The following ATF7IP variants were observed in gnomAD, a reference collection of about 807,000 sequenced individuals.
ATF7IP encodes the protein activating transcription factor 7 interacting protein, also known as activating transcription factor 7-interacting protein 1.
In ATF7IP, 23 loss-of-function variants were observed where a neutral mutation model predicts 106.4. The observed-to-expected ratio is 0.22, with a 90% CI of 0.16 to 0.31. The LOEUF (loss-of-function observed/expected upper bound fraction) is 0.31. Among genes scored for constraint, ATF7IP ranks in the 10% least tolerant of loss-of-function variants. The pLI, the probability that ATF7IP is intolerant of heterozygous loss-of-function variation, is 1.00. For missense variants in ATF7IP, 1,334 were observed against 1,524.3 expected (o/e 0.88, Z 2.08); for synonymous variants, 542 against 539.0 (o/e 1.01, Z -0.08).
At chr12:14,427,112 T>A (rs976303570) in intron 2 of ATF7IP, among the ~76,000 whole-genome samples, 1 of 150,710 alleles carries the variant, frequency 6.6e-6, no homozygotes, top group African/African-American at 2.5e-5. Flanking sequence ...ATAACAGAGG[T>A]TTTTTTTGTT....
Position 14,478,489 on chromosome 12 carries a change from A to G in ATF7IP, c.3097+17A>G, listed in dbSNP as rs763792428. 1 of 1,613,542 alleles carries G rather than the reference A, an allele frequency of 6.2e-7. No homozygotes were observed. The highest frequency in any genetic ancestry group is 1.7e-5 in the Admixed American group (1 of 59,990). On this transcript the variant is annotated intron_variant, in intron 12 of 14. Transcript: ENST00000261168. ...TACCTACAGGTAAATTTGTTGAATC[A>G]TTGAGTAGAAGCTTTGGTTTTGCCT...
At chr12:14,458,462 C>T (rs1943517992) in intron 8 of ATF7IP, among the ~76,000 whole-genome samples, 1 of 152,138 alleles carries the variant, frequency 6.6e-6, no homozygotes, top group Non-Finnish European at 1.5e-5. Context: ...GTAGTAGTTT[C>T]TTTAAGGTTG....
chr12:14,440,539 C>A (rs1360978593), intron 5 of ATF7IP, among the ~76,000 whole-genome samples: 3 of 152,118 alleles, frequency 2.0e-5, no homozygotes, highest in African/African-American at 7.2e-5. Flanking sequence ...CGTATTGTTT[C>A]CCCTGTTCAC....
intron 11 of ATF7IP, among the ~76,000 whole-genome samples, chr12:14,477,400 C>G (rs1944295123): frequency 6.6e-6 from 1 of 152,132 alleles, no homozygotes; most frequent in African/African-American, 2.4e-5. Context: ...TCACTTATCT[C>G]TATTGCTTTC....
At position 14,398,388 on chromosome 12, in the gene ATF7IP, T is replaced by TC. The variant is rs1491495607; in HGVS notation, c.-7-25521_-7-25520insC. 4.8e-5 allele frequency among the ~76,000 whole-genome samples: 3 copies of TC among 63,008 alleles called. No individual in the cohort carries two copies. The East Asian group carries it at 1.3e-3, about 28-fold the overall frequency. The allele number at this position is 63,008 out of a possible 152,430, so 41.3% of individuals were successfully genotyped here. On this transcript the variant is annotated intron_variant, in intron 1 of 14. Coordinates refer to ENST00000261168, the MANE Select transcript of ATF7IP (RefSeq NM_018179.5). ...ACTGATTTCCTCCTACATCTAAAAG[T>TC]TTTTTTTTTTATTTATAAGGAGATA... is the stretch of plus-strand genomic sequence containing the variant.
At chr12:14,482,976 TGAAG>T (rs2136820277) in intron 13 of ATF7IP, among the ~76,000 whole-genome samples, 1 of 152,330 alleles carries the variant, frequency 6.6e-6, no homozygotes, top group Non-Finnish European at 1.5e-5. Flanking sequence ...TGTTACGTGA[TGAAG>T]GAAAAGGAAA....
intron 1 of ATF7IP, among the ~76,000 whole-genome samples, chr12:14,374,633 A>C (rs1938661385): frequency 6.6e-6 from 1 of 152,164 alleles, no homozygotes; most frequent in Non-Finnish European, 1.5e-5. Context: ...GTTGTATTTT[A>C]AGGAATGAAT....
intron 9 of ATF7IP, among the ~76,000 whole-genome samples, chr12:14,464,007 C>A (rs999605717): frequency 6.6e-6 from 1 of 152,134 alleles, no homozygotes; most frequent in Non-Finnish European, 1.5e-5. Context: ...ACATCTTGTT[C>A]TAAGACTATA....
chr12:14,428,539 G>A (rs374885731), intron 2 of ATF7IP, among the ~76,000 whole-genome samples: 2 of 152,106 alleles, frequency 1.3e-5, no homozygotes, highest in Non-Finnish European at 2.9e-5. Flanking sequence ...TGTCATTTAT[G>A]TTGCTGTACT....
intron 2 of ATF7IP, among the ~76,000 whole-genome samples, chr12:14,426,690 G>A (rs985061565): frequency 6.6e-6 from 1 of 151,256 alleles, no homozygotes; most frequent in South Asian, 2.1e-4. Context: ...GCCAGGCGTG[G>A]TGGCACTTGT....
At chr12:14,455,021 A>G (rs1173001623) in intron 6 of ATF7IP, among the ~76,000 whole-genome samples, 1 of 152,116 alleles carries the variant, frequency 6.6e-6, no homozygotes. Flanking sequence ...TCTACTAAAA[A>G]TACAAAAATT....
intron 1 of ATF7IP, among the ~76,000 whole-genome samples, chr12:14,394,270 T>C (rs1446439417): frequency 1.3e-5 from 2 of 152,208 alleles, no homozygotes; most frequent in Non-Finnish European, 2.9e-5. Context: ...TTTTAATGAT[T>C]GCCAAACAGC....
chr12:14,400,138 C>T (rs767875907), intron 1 of ATF7IP, among the ~76,000 whole-genome samples: 5 of 152,122 alleles, frequency 3.3e-5, no homozygotes, highest in African/African-American at 4.8e-5. Context: ...TTCACACTGG[C>T]GTATCAGGTC....
At chr12:14,446,426 G>A (rs1312043615) in intron 5 of ATF7IP, among the ~76,000 whole-genome samples, 1 of 152,164 alleles carries the variant, frequency 6.6e-6, no homozygotes, top group Non-Finnish European at 1.5e-5. Flanking sequence ...GGAATTACAG[G>A]TGTGAGCCAC....
chr12:14,444,408 C>G (rs1439827555), intron 5 of ATF7IP, among the ~76,000 whole-genome samples: 1 of 152,054 alleles, frequency 6.6e-6, no homozygotes, highest in Non-Finnish European at 1.5e-5. Flanking sequence ...GAGTTATTTC[C>G]TAAGAGGTTT....
At chr12:14,472,895 C>G (rs191292295) in intron 10 of ATF7IP, among the ~76,000 whole-genome samples, 1 of 152,052 alleles carries the variant, frequency 6.6e-6, no homozygotes, top group African/African-American at 2.4e-5. Context: ...TTTACAAAGA[C>G]GAGGTTTAAT....
At chr12:14,491,946 C>T (rs1361560569) in intron 13 of ATF7IP, among the ~76,000 whole-genome samples, 6 of 152,200 alleles carry the variant, frequency 3.9e-5, no homozygotes, top group Non-Finnish European at 7.4e-5. Context: ...GCATCTTTCA[C>T]GTCCTTGATG....
intron 2 of ATF7IP, among the ~76,000 whole-genome samples, chr12:14,433,899 A>C (rs1301065770): frequency 6.6e-6 from 1 of 152,192 alleles, no homozygotes; most frequent in Non-Finnish European, 1.5e-5. Flanking sequence ...TACCATAAGC[A>C]TTAAAGTAAC....
intron 5 of ATF7IP, among the ~76,000 whole-genome samples, chr12:14,443,729 T>C (rs764872685): frequency 2.0e-5 from 3 of 152,064 alleles, no homozygotes; most frequent in Non-Finnish European, 4.4e-5. Context: ...GGCAATACAG[T>C]GAGACAGGAA....
Sources: gnomAD v4.1 joint callset for allele counts (sites outside exome capture counted in the v4.1 genomes callset) on GRCh38, gnomAD v4.1.1 for gene constraint, MANE v1.5 for transcripts, NCBI Gene and HGNC (gene_info 2026-07-23, HGNC 2026-07-21) for gene names.